The following PRKX variants were observed in gnomAD, a reference collection of about 807,000 sequenced individuals.
PRKX encodes cAMP-dependent protein kinase catalytic subunit PRKX.
A neutral mutation model predicts 22.0 loss-of-function variants in PRKX; 12 were observed. The ratio of observed to expected loss-of-function variants is 0.54; its 90% CI spans 0.35 to 0.88. The LOEUF is 0.88. PRKX is among the 40% of genes least tolerant of loss of function. The pLI, the probability that PRKX is intolerant of heterozygous loss-of-function variation, is 0.01. For synonymous variants in PRKX, 134 were observed against 137.7 expected, an observed-to-expected ratio of 0.97 and a Z score of 0.19; for missense variants, 217 against 308.0, an observed-to-expected ratio of 0.70 and a Z score of 2.21.
chrX:3,647,313 TATA>T (rs1339977072), intron 3 of PRKX, among the ~76,000 whole-genome samples: 1 of 106,948 alleles, frequency 9.4e-6, no homozygotes, highest in Non-Finnish European at 1.9e-5. Flanking sequence ...TATGAGCACA[TATA>T]ATTATTTGGT....
Position 3,713,182 on chromosome X carries a change from G to C in PRKX, c.72C>G (p.Pro24=). 8.9e-7 allele frequency: 1 copy of C among 1,118,779 alleles called. No homozygotes were observed. The highest frequency in any genetic ancestry group is 1.2e-6 in the Non-Finnish European group (1 of 856,785). 92.2% of individuals were successfully genotyped at this position (1,118,779 alleles called of 1,213,427 possible). A position where few individuals can be genotyped will look rare whatever the true frequency, so the allele number is the denominator to read the frequency against. ...TGGGGCAGAGCGCGGGCGCCCCGTC[G>C]GGGGTCTCCTCCGCCACCTTGCGGG... The part of the protein sequence containing the change: ...SDSRKVAEET[P]DGAPALCPSP... Residue 24 remains proline, a synonymous_variant, in exon 1 of 9, where the codon CCC becomes CCG. Coordinates refer to ENST00000262848, the MANE Select transcript of PRKX (RefSeq NM_005044.5).
At chrX:3,670,387 T>A (rs138300681) in intron 2 of PRKX, among the ~76,000 whole-genome samples, 207 of 111,901 alleles carry the variant, frequency 1.8e-3, no homozygotes, top group East Asian at 0.018. Flanking sequence ...TTAATCCAGT[T>A]CTTAAAGCCA....
chrX:3,621,715 C>G (rs1164392137), intron 5 of PRKX, among the ~76,000 whole-genome samples: 1 of 112,084 alleles, frequency 8.9e-6, no homozygotes, highest in African/African-American at 3.2e-5. Context: ...TCCTGGGGGT[C>G]TGCTTATTGA....
chrX:3,653,971 GATAT>G (rs768907626), intron 3 of PRKX, among the ~76,000 whole-genome samples: 3 of 67,686 alleles, frequency 4.4e-5, no homozygotes, highest in African/African-American at 6.3e-5. Context: ...TATACTATGT[GATAT>G]ATATATTATA....
At chrX:3,639,708 C>T (rs1184367809) in intron 4 of PRKX, among the ~76,000 whole-genome samples, 2 of 110,990 alleles carry the variant, frequency 1.8e-5, no homozygotes, top group African/African-American at 6.6e-5. Flanking sequence ...CACTCTCCTC[C>T]TGCGGCATCT....
Position 3,651,388 on chromosome X carries a change from A to C in PRKX, c.599+3761T>G, listed in dbSNP as rs775119968. ...GAAATATTTTATCTGTTTTCTTTGA[A>C]TTAGACTTGCAAATAAAATGACTTT... is the stretch of plus-strand genomic sequence containing the variant. On this transcript the variant is annotated intron_variant, in intron 3 of 8. Transcript: ENST00000262848. Among the ~76,000 whole-genome samples the C allele has an allele frequency of 6.2e-5, 7 of 112,459 alleles. No homozygotes were observed. In the South Asian group the frequency reaches 2.6e-3, roughly 41 times the overall value.
At chrX:3,700,664 G>A (rs1244815758) in intron 1 of PRKX, among the ~76,000 whole-genome samples, 4 of 109,644 alleles carry the variant, frequency 3.6e-5, no homozygotes, top group Non-Finnish European at 3.8e-5. Context: ...CTTCGACCTC[G>A]ACCTCTTGGG....
At chrX:3,625,681 G>A (rs780629727) in intron 5 of PRKX, among the ~76,000 whole-genome samples, 99 of 109,997 alleles carry the variant, frequency 9.0e-4, no homozygotes, top group African/African-American at 3.1e-3. Context: ...AAGCGATTCC[G>A]CTGTCTCAGC....
At chrX:3,627,746 G>C (rs1926691039) in intron 4 of PRKX, among the ~76,000 whole-genome samples, 1 of 111,099 alleles carries the variant, frequency 9.0e-6, no homozygotes, top group Non-Finnish European at 1.9e-5. Flanking sequence ...TTACCAGCGT[G>C]AGCCACTGTG....
At chrX:3,674,430 G>A (rs991313916) in intron 2 of PRKX, among the ~76,000 whole-genome samples, 168 bp downstream of exon 2, 2 of 111,421 alleles carry the variant, frequency 1.8e-5, no homozygotes, top group African/African-American at 6.5e-5. Flanking sequence ...AGCCCTGGAG[G>A]TATTCCAGCT....
chrX:3,672,835 C>G (rs758870624), intron 2 of PRKX, among the ~76,000 whole-genome samples: 3 of 111,018 alleles, frequency 2.7e-5, no homozygotes, highest in Non-Finnish European at 5.7e-5. Context: ...CTGGGCAACA[C>G]AGCAAGACTT....
chrX:3,693,330 G>C (rs996875576), intron 1 of PRKX, among the ~76,000 whole-genome samples: 2 of 111,533 alleles, frequency 1.8e-5, no homozygotes, highest in Admixed American at 9.6e-5. Flanking sequence ...AGGTGGTGGA[G>C]ATGGAGGGTT....
intron 1 of PRKX, among the ~76,000 whole-genome samples, chrX:3,705,854 A>AT (rs375473905): frequency 3.8e-5 from 4 of 104,215 alleles, no homozygotes; most frequent in African/African-American, 7.0e-5. Flanking sequence ...CACCCGGCTA[A>AT]TTTTTTTTTG....
chrX:3,686,759 T>C (rs1928187845), intron 1 of PRKX, among the ~76,000 whole-genome samples: 1 of 111,344 alleles, frequency 9.0e-6, no homozygotes, highest in East Asian at 2.8e-4. Flanking sequence ...GGTTTCACCA[T>C]GTTGGCCAGG....
intron 4 of PRKX, among the ~76,000 whole-genome samples, chrX:3,627,519 C>T (rs1393967079): frequency 1.9e-5 from 2 of 107,183 alleles, no homozygotes; most frequent in African/African-American, 6.8e-5. Flanking sequence ...TGGAGTGCAG[C>T]GGTGCAATCT....
At chrX:3,682,797 A>G (rs1928101518) in intron 1 of PRKX, among the ~76,000 whole-genome samples, 1 of 108,684 alleles carries the variant, frequency 9.2e-6, no homozygotes, top group Admixed American at 9.8e-5. Context: ...TCTCCCAGAA[A>G]GATATGTCCA....
At chrX:3,701,672 G>A (rs941269055) in intron 1 of PRKX, among the ~76,000 whole-genome samples, 2 of 111,841 alleles carry the variant, frequency 1.8e-5, no homozygotes, top group Non-Finnish European at 3.8e-5. Flanking sequence ...GATGGTTAAG[G>A]CATTCTAAGT....
At chrX:3,627,436 A>G (rs1458086440) in intron 4 of PRKX, among the ~76,000 whole-genome samples, 7 of 107,424 alleles carry the variant, frequency 6.5e-5, no homozygotes, top group Non-Finnish European at 1.3e-4. Flanking sequence ...AAAATAAGAA[A>G]TGCTGGTGAG....
intron 2 of PRKX, among the ~76,000 whole-genome samples, chrX:3,664,148 T>C (rs1927671378): frequency 8.9e-6 from 1 of 111,982 alleles, no homozygotes; most frequent in African/African-American, 3.2e-5. Flanking sequence ...CCTCCCCTGC[T>C]GCACGCACTG....
Sources: allele counts gnomAD v4.1 joint callset (sites outside exome capture counted in the v4.1 genomes callset), GRCh38; gene constraint gnomAD v4.1.1; transcripts MANE v1.5; gene names NCBI Gene and HGNC (gene_info 2026-07-23, HGNC 2026-07-21).